The following ACVR1 variants were observed in gnomAD, a reference collection of about 807,000 sequenced individuals.
ACVR1 encodes the protein activin receptor type-1.
ACVR1 carries 38 observed loss-of-function variants against 57.1 expected under a neutral mutation model. That is an observed-to-expected ratio of 0.67 (90% CI 0.51 to 0.87). The LOEUF (loss-of-function observed/expected upper bound fraction) is 0.87. ACVR1 is among the 40% of genes least tolerant of loss of function. The pLI, the probability that ACVR1 is intolerant of heterozygous loss-of-function variation, is 0.00. For missense variants in ACVR1, 463 were observed against 638.2 expected (o/e 0.73, Z 2.96); for synonymous variants, 212 against 228.1 (o/e 0.93, Z 0.63).
At chr2:157,743,004 T>TC (rs1363856425) in intron 9 of ACVR1, among the ~76,000 whole-genome samples, 1 of 151,984 alleles carries the variant, frequency 6.6e-6, no homozygotes, top group Non-Finnish European at 1.5e-5. Context: ...GGGAGCCCAC[T>TC]CCCTCCCCAC....
At chr2:157,775,103 C>T (rs540320819) in intron 5 of ACVR1, among the ~76,000 whole-genome samples, 12 of 152,296 alleles carry the variant, frequency 7.9e-5, no homozygotes, top group African/African-American at 2.9e-4. Flanking sequence ...TTGGTAAGCG[C>T]AGGCAGCAAC....
intron 8 of ACVR1, among the ~76,000 whole-genome samples, chr2:157,762,323 T>C (rs543124522): frequency 7.1e-4 from 108 of 152,344 alleles, no homozygotes; most frequent in African/African-American, 2.5e-3. Flanking sequence ...GTGTTACTAA[T>C]GTTCATCTTT....
At chr2:157,806,688 G>A (rs1490300779) in intron 2 of ACVR1, 2 of 152,184 alleles carry the variant, frequency 1.3e-5, no homozygotes, top group Non-Finnish European at 2.9e-5. Context: ...AATGAGACAT[G>A]GGCTGTCAGT....
intron 2 of ACVR1, among the ~76,000 whole-genome samples, chr2:157,799,922 T>G (rs947896014): frequency 2.0e-5 from 3 of 152,336 alleles, no homozygotes; most frequent in Admixed American, 6.5e-5. Flanking sequence ...ATTAAACGAC[T>G]GAATAATTCA....
At chr2:157,814,401 A>G (rs958791266) in intron 2 of ACVR1, among the ~76,000 whole-genome samples, 3 of 152,332 alleles carry the variant, frequency 2.0e-5, no homozygotes, top group African/African-American at 7.2e-5. Flanking sequence ...AACTAAGAAA[A>G]ATGCAAATTA....
intron 4 of ACVR1, 68 bp from the exon 5 acceptor site, chr2:157,778,410 A>C (rs1489468735): frequency 6.9e-6 from 9 of 1,307,330 alleles, no homozygotes; most frequent in Non-Finnish European, 9.8e-6. Flanking sequence ...AGCATAACCA[A>C]TATCCTAACA....
chr2:157,859,746 C>A (rs1689661100), intron 1 of ACVR1, among the ~76,000 whole-genome samples: 1 of 152,164 alleles, frequency 6.6e-6, no homozygotes, highest in South Asian at 2.1e-4. Flanking sequence ...AAGTTCCAGC[C>A]CCCTAATTTG....
intron 1 of ACVR1, among the ~76,000 whole-genome samples, chr2:157,823,765 G>A (rs1367860936): frequency 1.3e-5 from 2 of 152,178 alleles, no homozygotes; most frequent in Non-Finnish European, 2.9e-5. Context: ...CTCAAGTGAA[G>A]TGGTTTGGTG....
chr2:157,805,820 CTTTTTTTTTT>C (rs1222482675), intron 2 of ACVR1, among the ~76,000 whole-genome samples: 1 of 30,178 alleles, frequency 3.3e-5, no homozygotes, highest in Non-Finnish European at 1.3e-4. Flanking sequence ...TTTCTTTTTT[CTTTTTTTTTT>C]TTTTTTTTTT....
chr2:157,821,251 G>A (rs1480321149), intron 1 of ACVR1, among the ~76,000 whole-genome samples: 1 of 152,086 alleles, frequency 6.6e-6, no homozygotes, highest in Non-Finnish European at 1.5e-5. Context: ...ATTGTTCAGG[G>A]GCTGTGGCTC....
At chr2:157,745,209 T>A (rs1324253114) in intron 9 of ACVR1, among the ~76,000 whole-genome samples, 2 of 152,214 alleles carry the variant, frequency 1.3e-5, no homozygotes, top group Admixed American at 1.3e-4. Context: ...CTGTAAGTTG[T>A]CAAAGGAGAG....
At chr2:157,740,846 T>C (rs1190905078) in intron 9 of ACVR1, among the ~76,000 whole-genome samples, 1 of 152,224 alleles carries the variant, frequency 6.6e-6, no homozygotes, top group East Asian at 1.9e-4. Context: ...CAAGTATTTT[T>C]AAAAGACCAT....
intron 1 of ACVR1, among the ~76,000 whole-genome samples, chr2:157,836,276 G>A (rs970622400): frequency 3.9e-5 from 6 of 152,294 alleles, no homozygotes; most frequent in African/African-American, 1.2e-4. Context: ...AGGTTTGCCC[G>A]TGACCTTACT....
intron 3 of ACVR1, 89 bp from the exon 4 acceptor site, chr2:157,780,689 A>T: frequency 6.8e-7 from 1 of 1,481,290 alleles, no homozygotes; most frequent in East Asian, 2.3e-5. Flanking sequence ...ACCATTCCAA[A>T]CACCTCTATC....
At chr2:157,794,958 C>T (rs1426264756) in intron 3 of ACVR1, among the ~76,000 whole-genome samples, 1 of 149,268 alleles carries the variant, frequency 6.7e-6, no homozygotes, top group Non-Finnish European at 1.5e-5. Flanking sequence ...ATTTATTAGA[C>T]ATTTCGGAGA....
At chr2:157,814,850 G>A (rs1687875987) in intron 2 of ACVR1, among the ~76,000 whole-genome samples, 2 of 152,170 alleles carry the variant, frequency 1.3e-5, no homozygotes, top group South Asian at 4.1e-4. Flanking sequence ...TTGGGAGGCC[G>A]AGGTGGGTGG....
In ACVR1 at chr2:157,738,455, T is replaced by C. The variant is rs2105216781; in HGVS notation, c.1380A>G (p.Arg460=). 1 of 1,614,112 alleles carries C rather than the reference T, an allele frequency of 6.2e-7. No individual in the cohort carries two copies. The highest frequency in any genetic ancestry group is 8.5e-7 in the Non-Finnish European group (1 of 1,179,958). The change falls in exon 10 of 11, where the codon AGA becomes AGG. Residue 460 remains arginine, a synonymous_variant. Transcript: ENST00000434821. ...VDQQRPNIPN[R]WFSDPTLTSL... is the part of the protein sequence containing the mutation. Reference sequence around the variant, plus strand: ...GCATTCTTACCGGGTCTGAGAACCATCTGTTGGGTATGTTTGGCCTTTGTT... The same window carrying C: ...GCATTCTTACCGGGTCTGAGAACCACCTGTTGGGTATGTTTGGCCTTTGTT...
intron 1 of ACVR1, among the ~76,000 whole-genome samples, chr2:157,852,611 C>T: frequency 6.6e-6 from 1 of 151,610 alleles, no homozygotes. Context: ...GACAGATCTT[C>T]AGACATAAAA....
intron 1 of ACVR1, among the ~76,000 whole-genome samples, chr2:157,847,206 A>G (rs986529711): frequency 7.2e-5 from 11 of 152,192 alleles, no homozygotes; most frequent in Non-Finnish European, 1.5e-4. Flanking sequence ...TTAACGAAAC[A>G]ATTATTACCC....
Sources: gnomAD v4.1 joint callset for allele counts (sites outside exome capture counted in the v4.1 genomes callset) on GRCh38, gnomAD v4.1.1 for gene constraint, MANE v1.5 for transcripts, NCBI Gene and HGNC (gene_info 2026-07-23, HGNC 2026-07-21) for gene names.